Variants in ADAMTS17 observed in about 807,000 individuals in gnomAD.
ADAMTS17 encodes the protein A disintegrin and metalloproteinase with thrombospondin motifs 17.
Under a neutral mutation model 141.5 loss-of-function variants are expected in ADAMTS17, and 113 were observed. The observed-to-expected ratio is 0.80, with a 90% CI of 0.69 to 0.93. The LOEUF (loss-of-function observed/expected upper bound fraction) is 0.93. Ranked by LOEUF, ADAMTS17 falls within the 40% of genes least tolerant of loss-of-function variation. ADAMTS17 has a pLI of 0.00. For missense variants in ADAMTS17, 1,659 were observed against 1,517.9 expected (o/e 1.09, Z -1.54); for synonymous variants, 768 against 630.6 (o/e 1.22, Z -3.27).
chr15:100,334,156 G>A (rs565207907), intron 2 of ADAMTS17, among the ~76,000 whole-genome samples: 21 of 152,286 alleles, frequency 1.4e-4, no homozygotes, highest in African/African-American at 4.1e-4. Context: ...ACACCACCTC[G>A]TGCCTGAAGC....
intron 3 of ADAMTS17, among the ~76,000 whole-genome samples, 172 bp from the exon 4 acceptor site, chr15:100,281,573 C>T (rs746020623): frequency 2.6e-5 from 4 of 152,286 alleles, no homozygotes; most frequent in East Asian, 1.9e-4. Flanking sequence ...AGTTCACTCA[C>T]GTAGGGGGGT....
In ADAMTS17 at chr15:100,160,355, A is replaced by G. The variant is rs531013455; in HGVS notation, c.1182-5035T>C. Among the ~76,000 whole-genome samples the G allele has an allele frequency of 2.6e-5, 4 of 152,252 alleles. No homozygotes were observed. In the South Asian group the frequency reaches 8.3e-4, roughly 32 times the overall value. On this transcript the variant is annotated intron_variant, in intron 8 of 21. Coordinates refer to ENST00000268070, the MANE Select transcript of ADAMTS17 (RefSeq NM_139057.4). ...GCTGCTCCCATTCTCCCTGGCTGGG[A>G]TCTCCTGGGCAGCTACCAGAAGGGT...
chr15:100,118,955 CA>C (rs2037307711), intron 12 of ADAMTS17, among the ~76,000 whole-genome samples: 1 of 151,918 alleles, frequency 6.6e-6, no homozygotes, highest in Non-Finnish European at 1.5e-5. Flanking sequence ...AGGGCACAGA[CA>C]AAATTAGTTA....
intron 15 of ADAMTS17, among the ~76,000 whole-genome samples, chr15:100,068,358 C>T (rs944894562): frequency 6.6e-6 from 1 of 152,178 alleles, no homozygotes; most frequent in African/African-American, 2.4e-5. Flanking sequence ...GCAGCAGTAA[C>T]CTCTGCAGAC....
At position 99,976,156 on chromosome 15, in the gene ADAMTS17, G is replaced by C; in HGVS notation, c.3016C>G (p.Arg1006Gly). ...AGGGCGGGGCACTCGCTGCCGTGGC[G>C]CCCTGTGACCTTGTGCATGCACTGC... Reference protein sequence around the residue: ...VVQCMHKVTGRHGSECPALSK... With the variant: ...VVQCMHKVTGGHGSECPALSK... Residue 1006 changes from arginine to glycine, a missense_variant, in exon 21 of 22, where the codon CGC (arginine) becomes GGC (glycine). By Grantham distance (125) the Arg-to-Gly change is moderately radical. Coordinates refer to ENST00000268070, the MANE Select transcript of ADAMTS17 (RefSeq NM_139057.4). 1 of 1,550,706 alleles carries C rather than the reference G, an allele frequency of 6.4e-7. No individual in the cohort carries two copies. Among genetic ancestry groups the C allele is most frequent in the Non-Finnish European group, 8.7e-7 (1 of 1,146,974 alleles).
chr15:100,120,779 TA>T (rs2037412672), intron 12 of ADAMTS17, among the ~76,000 whole-genome samples: 1 of 152,258 alleles, frequency 6.6e-6, no homozygotes, highest in Admixed American at 6.5e-5. Flanking sequence ...TACTGCATTC[TA>T]AGATTTGAAT....
At chr15:100,040,194 C>A (rs544504179) in intron 18 of ADAMTS17, among the ~76,000 whole-genome samples, 2 of 152,102 alleles carry the variant, frequency 1.3e-5, no homozygotes, top group African/African-American at 2.4e-5. Flanking sequence ...GGGAAAGGGC[C>A]GTTTTGAGAC....
At chr15:100,152,472 A>C (rs1395505498) in intron 10 of ADAMTS17, 140 bp downstream of exon 10, 1 of 1,110,492 alleles carries the variant, frequency 9.0e-7, no homozygotes, top group Non-Finnish European at 1.3e-6. Context: ...GTGTGTGTGC[A>C]TATACATGTA....
intron 4 of ADAMTS17, among the ~76,000 whole-genome samples, chr15:100,273,773 G>C (rs1459921181): frequency 6.6e-6 from 1 of 152,132 alleles, no homozygotes; most frequent in Non-Finnish European, 1.5e-5. Context: ...AAGTTGTAAA[G>C]TCAGATTGTT....
At chr15:100,331,181 G>C in intron 2 of ADAMTS17, 127 bp from the exon 3 acceptor site, 1 of 1,218,896 alleles carries the variant, frequency 8.2e-7, no homozygotes, top group Admixed American at 2.0e-5. Context: ...TCGTTTCTTT[G>C]CAGATTGGTC....
At chr15:100,036,331 G>A (rs1374092126) in intron 18 of ADAMTS17, among the ~76,000 whole-genome samples, 2 of 152,244 alleles carry the variant, frequency 1.3e-5, no homozygotes, top group Non-Finnish European at 1.5e-5. Context: ...ACTGCGTAAT[G>A]GGAAAGGACA....
At chr15:100,138,915 T>C (rs1354945141) in intron 10 of ADAMTS17, among the ~76,000 whole-genome samples, 1 of 152,174 alleles carries the variant, frequency 6.6e-6, no homozygotes, top group African/African-American at 2.4e-5. Context: ...TGCTTTAATA[T>C]ACATTTTAAA....
intron 8 of ADAMTS17, among the ~76,000 whole-genome samples, chr15:100,168,960 G>A (rs916608132): frequency 2.6e-5 from 4 of 152,220 alleles, no homozygotes; most frequent in Non-Finnish European, 2.9e-5. Flanking sequence ...TCCCCGGAGG[G>A]GCGACTATAA....
At chr15:100,153,337 G>A (rs1034059979) in intron 9 of ADAMTS17, among the ~76,000 whole-genome samples, 5 of 152,132 alleles carry the variant, frequency 3.3e-5, no homozygotes, top group East Asian at 3.9e-4. Flanking sequence ...TGAGAGGCGC[G>A]TCTCTAAAAG....
At chr15:100,151,415 C>T (rs2039157851) in intron 10 of ADAMTS17, among the ~76,000 whole-genome samples, 2 of 152,234 alleles carry the variant, frequency 1.3e-5, no homozygotes, top group South Asian at 2.1e-4. Flanking sequence ...ACTCAAGAGG[C>T]AGCATCTGTC....
intron 7 of ADAMTS17, among the ~76,000 whole-genome samples, chr15:100,203,963 G>C (rs1004030893): frequency 1.3e-5 from 2 of 151,216 alleles, no homozygotes; most frequent in Non-Finnish European, 2.9e-5. Flanking sequence ...TTAATTTATC[G>C]AGAGAAGAGG....
intron 8 of ADAMTS17, among the ~76,000 whole-genome samples, chr15:100,187,822 C>CT (rs1716339341): frequency 1.3e-5 from 2 of 152,092 alleles, no homozygotes; most frequent in African/African-American, 4.8e-5. Context: ...GCTTCTGCCC[C>CT]CAAACTGAAA....
chr15:100,012,149 C>G (rs2061197874), intron 18 of ADAMTS17, among the ~76,000 whole-genome samples: 1 of 152,122 alleles, frequency 6.6e-6, no homozygotes, highest in African/African-American at 2.4e-5. Context: ...ATTAGTGATG[C>G]TGAGCATTGT....
chr15:100,012,818 G>A (rs2061213676), intron 18 of ADAMTS17, among the ~76,000 whole-genome samples: 1 of 152,176 alleles, frequency 6.6e-6, no homozygotes, highest in Non-Finnish European at 1.5e-5. Context: ...CAGGTAGTGT[G>A]ATGCCTCCAG....
Sources: gnomAD v4.1 joint callset for allele counts (sites outside exome capture counted in the v4.1 genomes callset) on GRCh38, gnomAD v4.1.1 for gene constraint, MANE v1.5 for transcripts, NCBI Gene and HGNC (gene_info 2026-07-23, HGNC 2026-07-21) for gene names.